The following CUX1 variants were observed in gnomAD, a reference collection of about 807,000 sequenced individuals.
CUX1 encodes protein CASP.
In CUX1, 31 loss-of-function variants were observed where a neutral mutation model predicts 158.8. The observed-to-expected ratio is 0.20, with a 90% CI of 0.15 to 0.26. CUX1 has a LOEUF of 0.26. Ranked by LOEUF, CUX1 falls within the 10% of genes least tolerant of loss-of-function variation. The pLI is 1.00. For synonymous variants in CUX1, 879 were observed against 862.1 expected (o/e 1.02, Z -0.34); for missense variants, 1,589 against 2,014.6 (o/e 0.79, Z 4.04).
At chr7:102,259,196 C>T (rs913166051), downstream of CUX1, among the ~76,000 whole-genome samples, 1 of 152,232 alleles carries the variant, frequency 6.6e-6, no homozygotes, top group African/African-American at 2.4e-5. Flanking sequence ...GCCAGGTGCC[C>T]TCGGCAGCCC....
At chr7:101,840,856 G>A (rs921796340) in intron 1 of CUX1, among the ~76,000 whole-genome samples, 1 of 151,698 alleles carries the variant, frequency 6.6e-6, no homozygotes, top group Non-Finnish European at 1.5e-5. Flanking sequence ...TTTGTTTTTG[G>A]TCTATTGAGG....
intron 23 of CUX1, among the ~76,000 whole-genome samples, chr7:102,240,352 T>C (rs1238462744): frequency 6.6e-6 from 1 of 152,214 alleles, no homozygotes; most frequent in Non-Finnish European, 1.5e-5. Flanking sequence ...TACTGCAGGC[T>C]GGAACTCCTG....
chr7:102,071,195 G>A (rs1826091006), intron 4 of CUX1, among the ~76,000 whole-genome samples: 2 of 152,172 alleles, frequency 1.3e-5, no homozygotes, highest in Non-Finnish European at 2.9e-5. Context: ...CTGGGCTCAA[G>A]CTATCCTCCC....
chr7:102,274,223 A>C (rs374698929), intron 15 of CUX1: 9 of 1,611,316 alleles, frequency 5.6e-6, no homozygotes, highest in Non-Finnish European at 7.6e-6. Flanking sequence ...GCACCTCCTC[A>C]TCGCTTCCTG....
At chr7:102,268,306 C>A (rs1259833538) in intron 14 of CUX1, among the ~76,000 whole-genome samples, 2 of 152,224 alleles carry the variant, frequency 1.3e-5, no homozygotes, top group Non-Finnish European at 2.9e-5. Flanking sequence ...CCAGTTCTGC[C>A]CATCGGGCTG....
At chr7:101,822,770 G>A (rs552187894) in intron 1 of CUX1, among the ~76,000 whole-genome samples, 8 of 152,018 alleles carry the variant, frequency 5.3e-5, no homozygotes, top group Non-Finnish European at 1.2e-4. Context: ...GCGTGGTGGC[G>A]CATATCCATA....
chr7:102,118,536 A>G (rs1203581139), intron 8 of CUX1, among the ~76,000 whole-genome samples: 6 of 150,954 alleles, frequency 4.0e-5, no homozygotes, highest in Admixed American at 4.0e-4. Flanking sequence ...GACCCTGTCT[A>G]AAAAAAAAGG....
intron 1 of CUX1, among the ~76,000 whole-genome samples, chr7:101,871,310 T>TA (rs11373420): frequency 0.89 from 133,130 of 149,532 alleles, 59,441 homozygotes; most frequent in African/African-American, 0.96. Context: ...TTCTAAAAAA[T>TA]AAAAAAAAGC....
chr7:102,139,747 G>A (rs1444676909), intron 8 of CUX1, among the ~76,000 whole-genome samples: 2 of 152,100 alleles, frequency 1.3e-5, no homozygotes, highest in Non-Finnish European at 2.9e-5. Flanking sequence ...AAACTCCTGG[G>A]ATCAAGCCAT....
In CUX1 at chr7:102,195,561, T is replaced by C. The variant is rs781992928; in HGVS notation, c.1180T>C (p.Ser394Pro). 4.7e-5 allele frequency: 76 copies of C among 1,612,954 alleles called. No individual in the cohort carries two copies. The highest frequency in any genetic ancestry group is 6.1e-5 in the Non-Finnish European group (72 of 1,179,878). ...GCTGGAGAAGAACCGCTCGCTGCAG[T>C]CCGAGAACGCCGCGCTGCGCATCTC... is the stretch of plus-strand genomic sequence containing the variant. ...LLLEKNRSLQ[S>P]ENAALRISNS... Residue 394 changes from serine to proline, a missense_variant, in exon 14 of 24, where the codon TCC becomes CCC. Around this residue, in one of 8 missense-constraint regions of CUX1, gnomAD observed 515 missense variants for 574.4 expected, o/e 0.90. Transcript: ENST00000292535.
chr7:101,988,729 G>A (rs1038357634), intron 2 of CUX1, among the ~76,000 whole-genome samples: 5 of 152,206 alleles, frequency 3.3e-5, no homozygotes, highest in African/African-American at 7.2e-5. Flanking sequence ...GGCTGGGCGC[G>A]GTGGTTCATA....
rs551275698 is a variant in CUX1, at chr7:102,058,967, G to A, written c.190-11372G>A. Among the ~76,000 whole-genome samples, 61 of 152,280 alleles carry A rather than the reference G, an allele frequency of 4.0e-4. 2 individuals are homozygous for A. The highest frequency in any genetic ancestry group is 6.8e-3 in the Middle Eastern group (2 of 294). On this transcript the variant is annotated intron_variant, in intron 3 of 23. Coordinates refer to ENST00000292535, the MANE Select transcript of CUX1 (RefSeq NM_181552.4). ...GACAGAATGAAGGAAGAAGTGAAGC[G>A]GGGGTGAGCAAGCAGCCAGCACCTC...
rs948463972 is a variant in CUX1 at position 102,201,134 on chromosome 7, G to A, written c.2063-226G>A. Among the ~76,000 whole-genome samples, 3 of 151,098 alleles carry A rather than the reference G, an allele frequency of 2.0e-5. No homozygotes were observed. The highest frequency in any genetic ancestry group is 1.3e-4 in the Admixed American group (2 of 15,140). ...CCCCTTTATTACCCTCTACATCTGT[G>A]TGTATACCAAAGGCCACCAGGTCAT... On this transcript the variant is annotated intron_variant, in intron 17 of 23. Transcript: ENST00000292535. This position sits in a 1 kb window ranked among gnomAD's most constrained non-coding sequence, Gnocchi z 5.0.
At chr7:101,994,596 G>A (rs1027238135) in intron 2 of CUX1, among the ~76,000 whole-genome samples, 8 of 152,114 alleles carry the variant, frequency 5.3e-5, no homozygotes, top group Non-Finnish European at 8.8e-5. Flanking sequence ...GCGAGACTCC[G>A]TCTCAAACAA....
At chr7:102,195,394 A>G in intron 13 of CUX1, 113 bp from the exon 14 acceptor site, 1 of 776,946 alleles carries the variant, frequency 1.3e-6, no homozygotes, top group South Asian at 1.9e-5. Flanking sequence ...AATCAGATCG[A>G]GAGCTGGGTG....
At chr7:101,816,229 CG>C, upstream of CUX1, 1 of 173,464 alleles carries the variant, frequency 5.8e-6, no homozygotes, top group Non-Finnish European at 1.1e-5. Context: ...CCGGGCACCG[CG>C]GGGCCGAGTC....
In CUX1 at chr7:102,249,153, C is replaced by G. The variant is rs1236839051; in HGVS notation, c.*111C>G. 3 of 1,152,276 alleles carry G rather than the reference C, an allele frequency of 2.6e-6. No individual in the cohort carries two copies. In the African/African-American group the frequency reaches 4.9e-5, roughly 19 times the overall value. 71.4% of individuals were successfully genotyped at this position (1,152,276 alleles called of 1,614,324 possible). The stretch of plus-strand genomic sequence containing the variant: ...GCCTGGGCTTGGCCCGCGGCCTGCA[C>G]CGACCCCGGGCCGGACCTGAGCCCG... On this transcript the variant is annotated 3_prime_UTR_variant, in exon 24 of 24. Coordinates refer to ENST00000292535, the MANE Select transcript of CUX1 (RefSeq NM_181552.4).
In CUX1 at chr7:102,227,551, G is replaced by A. The variant is rs782099559; in HGVS notation, c.3315G>A (p.Pro1105=). The change falls in exon 21 of 24, where the codon CCG becomes CCA. Residue 1105 remains proline (P), a synonymous_variant. Transcript: ENST00000292535. ...CATCCGACTCCCAGCCCACAACCCC[G>A]CTGCCTCTCTCCGGACACTCGGCCC... The part of the protein sequence containing the change: ...PPASDSQPTT[P]LPLSGHSALS... 24 of 1,613,964 alleles carry A rather than the reference G, an allele frequency of 1.5e-5. No individual in the cohort carries two copies. The highest frequency in any genetic ancestry group is 1.4e-5 in the Non-Finnish European group (16 of 1,180,040).
At chr7:102,281,748 GC>G (rs1291688240) in intron 20 of CUX1, 2 of 834,712 alleles carry the variant, frequency 2.4e-6, no homozygotes, top group African/African-American at 3.4e-5. Context: ...CCCTCCCCTT[GC>G]CACCCTAGGG....
Sources: allele counts gnomAD v4.1 joint callset (sites outside exome capture counted in the v4.1 genomes callset), GRCh38; gene constraint gnomAD v4.1.1; regional missense constraint gnomAD v4.1.1; non-coding constraint Gnocchi (gnomAD v3.1); transcripts MANE v1.5; gene names NCBI Gene and HGNC (gene_info 2026-07-23, HGNC 2026-07-21).